TOR1AIP2: variants seen among roughly 807,000 people sequenced by gnomAD.
The protein encoded by TOR1AIP2 is torsin 1A interacting protein 2.
In TOR1AIP2, 20 loss-of-function variants were observed where a neutral mutation model predicts 32.6. The observed-to-expected ratio is 0.61, with a 90% CI of 0.43 to 0.89. The LOEUF is 0.89. Among genes scored for constraint, TOR1AIP2 ranks in the 40% least tolerant of loss-of-function variants. The pLI, the probability that TOR1AIP2 is intolerant of heterozygous loss-of-function variation, is 0.00. For synonymous variants in TOR1AIP2, 214 were observed against 210.8 expected (o/e 1.02, Z -0.13); for missense variants, 456 against 553.8 (o/e 0.82, Z 1.77).
rs116391801 is a variant in TOR1AIP2, at chr1:179,851,317, C to T, written c.81G>A (p.Ala27=). 555 of 1,593,778 alleles carry T rather than the reference C, an allele frequency of 3.5e-4. 3 individuals carry two copies. In the African/African-American group the frequency reaches 5.9e-3, roughly 17 times the overall value. ...LENDPSVNSQ[A]QETTIIASNA... ...TACTTGCTATGATTGTGGTCTCCTG[C>T]GCCTGAGAATTTACTGATGGATCAT... Residue 27 remains alanine, a synonymous_variant, in exon 5 of 7, where the codon GCG becomes GCA. Transcript: ENST00000609928.
chr1:179,861,316 A>G, intron 3 of TOR1AIP2: 2 of 985,358 alleles, frequency 2.0e-6, no homozygotes, highest in East Asian at 2.3e-4. Flanking sequence ...TTCTAGAATA[A>G]CCTGCAATAT....
intron 2 of TOR1AIP2, among the ~76,000 whole-genome samples, chr1:179,866,719 T>G (rs987879979): frequency 2.0e-5 from 3 of 152,196 alleles, no homozygotes; most frequent in African/African-American, 7.2e-5. Context: ...ACCACCTAGT[T>G]TTATTGGTTT....
At chr1:179,851,472 C>T in intron 4 of TOR1AIP2, 109 bp from the exon 5 acceptor site, 1 of 847,222 alleles carries the variant, frequency 1.2e-6, no homozygotes, top group Non-Finnish European at 1.7e-6. Flanking sequence ...TCATGGTTTA[C>T]AAGACACTTC....
intron 3 of TOR1AIP2, chr1:179,863,170 G>T: frequency 1.2e-6 from 1 of 822,314 alleles, no homozygotes; most frequent in Non-Finnish European, 1.4e-6. Flanking sequence ...AGGTTGCAGT[G>T]AACCAAGACT....
intron 3 of TOR1AIP2, chr1:179,864,302 G>T: frequency 1.0e-6 from 1 of 985,544 alleles, no homozygotes; most frequent in Non-Finnish European, 1.2e-6. Context: ...TCTCATCACT[G>T]ACCAATGCAT....
intron 3 of TOR1AIP2, chr1:179,861,429 T>A (rs746692982): frequency 2.1e-5 from 21 of 985,130 alleles, no homozygotes; most frequent in Non-Finnish European, 2.5e-5. Context: ...CTCTACTACA[T>A]GATGTTGATT....
At chr1:179,870,499 C>A (rs1462955269) in intron 2 of TOR1AIP2, among the ~76,000 whole-genome samples, 2 of 152,092 alleles carry the variant, frequency 1.3e-5, no homozygotes, top group Non-Finnish European at 2.9e-5. Flanking sequence ...GATTCAGGAC[C>A]ATTAGGCACT....
chr1:179,865,108 G>A (rs1696715993), intron 3 of TOR1AIP2: 1 of 1,613,906 alleles, frequency 6.2e-7, no homozygotes, highest in Non-Finnish European at 8.5e-7. Context: ...GGTACAACCA[G>A]TGGCCTAGTT....
At chr1:179,858,955 G>A in intron 3 of TOR1AIP2, 1 of 884,886 alleles carries the variant, frequency 1.1e-6, no homozygotes. Context: ...GCCAAGAAGA[G>A]CACAAAAGAA....
chr1:179,854,428 C>CA (rs1376070081), intron 3 of TOR1AIP2, among the ~76,000 whole-genome samples: 1 of 152,094 alleles, frequency 6.6e-6, no homozygotes, highest in East Asian at 1.9e-4. Context: ...CAATTTGAAA[C>CA]AAAATCTCAA....
At chr1:179,854,610 CTG>C (rs1461543937) in intron 3 of TOR1AIP2, among the ~76,000 whole-genome samples, 1 of 152,148 alleles carries the variant, frequency 6.6e-6, no homozygotes, top group Non-Finnish European at 1.5e-5. Context: ...TGGCTCATGC[CTG>C]TAATCCCTGC....
intron 2 of TOR1AIP2, chr1:179,875,150 G>A (rs142945805): frequency 0.038 from 5,755 of 152,316 alleles, 313 homozygotes; most frequent in African/African-American, 0.11. Context: ...ACAGGTGCCC[G>A]CCACCACGCC....
rs558602467 is a variant in TOR1AIP2 at position 179,861,852 on chromosome 1, A to G, written c.-147+3584T>C. 7.4e-5 allele frequency: 70 copies of G among 951,876 alleles called. No individual in the cohort carries two copies. The African/African-American group carries it at 1.2e-3, about 16-fold the overall frequency. 59.0% of individuals were successfully genotyped at this position (951,876 alleles called of 1,614,324 possible). On this transcript the variant is annotated intron_variant, in intron 3 of 6. Coordinates refer to ENST00000609928, the MANE Select transcript of TOR1AIP2 (RefSeq NM_001199260.2). ...ATCAGAATCTCCAAAGGTACTATTT[A>G]TATCTTTTATGTTGTTTTTTTTTCT...
chr1:179,865,444 C>CA lies in TOR1AIP2; in HGVS notation c.-156dup. The stretch of plus-strand genomic sequence containing the variant: ...TGTTATCAGTCACTTACTAGCAGTA[C>CA]AGATCTCAGGATAGCTCCTTCAAAT... On this transcript the variant is annotated 5_prime_UTR_variant, in exon 3 of 7. Transcript: ENST00000609928. The CA allele has an allele frequency of 2.3e-6, 1 of 428,778 alleles. No individual in the cohort carries two copies. The highest frequency in any genetic ancestry group is 4.1e-6 in the Non-Finnish European group (1 of 242,404). The allele number at this position is 428,778 out of a possible 1,614,324, so 26.6% of individuals were successfully genotyped here. A position where few individuals can be genotyped will look rare whatever the true frequency, so the allele number is the denominator to read the frequency against.
rs1402235661 is a variant in TOR1AIP2 at position 179,862,338 on chromosome 1, G to A, written c.-147+3098C>T. ...TAATACTGATCATAATACTATTCTC[G>A]AAAGCACTCTCTCAAAGTAAATTTT... is the stretch of plus-strand genomic sequence containing the variant. On this transcript the variant is annotated intron_variant, in intron 3 of 6. Transcript: ENST00000609928. 16 of 984,858 alleles carry A rather than the reference G, an allele frequency of 1.6e-5. No homozygotes were observed. In the South Asian group the frequency reaches 2.3e-4, roughly 14 times the overall value. The allele number at this position is 984,858 out of a possible 1,614,324, so 61.0% of individuals were successfully genotyped here. A position where few individuals can be genotyped will look rare whatever the true frequency, so the allele number is the denominator to read the frequency against.
chr1:179,847,603 A>C lies in TOR1AIP2; in HGVS notation c.587T>G (p.Leu196Trp). The C allele has an allele frequency of 1.2e-6, 2 of 1,614,028 alleles. No homozygotes were observed. The highest frequency in any genetic ancestry group is 1.7e-6 in the Non-Finnish European group (2 of 1,179,958). The change falls in exon 6 of 7, where the codon TTG becomes TGG. Residue 196 changes from leucine to tryptophan, a missense_variant. Coordinates refer to ENST00000609928, the MANE Select transcript of TOR1AIP2 (RefSeq NM_001199260.2). ...AGSHPQQTQK[L>W]EEIKENAQDT... ...CTGTGCATTCTCTTTAATTTCTTCC[A>C]ATTTTTGTGTTTGTTGTGGATGACT... is the stretch of plus-strand genomic sequence containing the variant.
intron 2 of TOR1AIP2, chr1:179,873,952 C>T (rs1301870507): frequency 6.6e-6 from 1 of 152,190 alleles, no homozygotes; most frequent in Non-Finnish European, 1.5e-5. Context: ...ATTTTTCAGG[C>T]TCATCTTGTA....
At chr1:179,862,656 CGG>C in intron 3 of TOR1AIP2, 1 of 985,322 alleles carries the variant, frequency 1.0e-6, no homozygotes, top group Non-Finnish European at 1.2e-6. Flanking sequence ...TGGTCAGGCA[CGG>C]TGGCTATGCC....
intron 3 of TOR1AIP2, chr1:179,862,033 C>T (rs1696555247): frequency 4.1e-6 from 4 of 985,264 alleles, no homozygotes; most frequent in Non-Finnish European, 4.8e-6. Context: ...GATTCCTGGG[C>T]CCTACAAGCA....
Sources: allele counts gnomAD v4.1 joint callset (sites outside exome capture counted in the v4.1 genomes callset), GRCh38; gene constraint gnomAD v4.1.1; transcripts MANE v1.5; gene names NCBI Gene and HGNC (gene_info 2026-07-23, HGNC 2026-07-21).